Variants in CAST observed in about 807,000 individuals in gnomAD.
The protein encoded by CAST is calpastatin, also known as MIR583 host.
A neutral mutation model predicts 119.6 loss-of-function variants in CAST; 76 were observed. The observed-to-expected ratio is 0.64, with a 90% CI of 0.53 to 0.77. The LOEUF (loss-of-function observed/expected upper bound fraction) is 0.77, where lower values mean the gene tolerates loss of function less well. CAST is among the 30% of genes least tolerant of loss of function. The pLI is 0.00. For missense variants in CAST, 953 were observed against 946.5 expected, an observed-to-expected ratio of 1.01 and a Z score of -0.09; for synonymous variants, 319 against 331.6, an observed-to-expected ratio of 0.96 and a Z score of 0.41.
At chr5:96,455,846 A>G in the CAST span, among the ~76,000 whole-genome samples, 3 of 152,008 alleles carry the variant, frequency 2.0e-5, no homozygotes, top group Middle Eastern at 3.4e-3. Flanking sequence ...TTATGTGTTG[A>G]TTTGTTCTTT....
the CAST span, among the ~76,000 whole-genome samples, chr5:96,150,122 A>G: frequency 5.3e-3 from 812 of 152,312 alleles, 6 homozygotes; most frequent in African/African-American, 0.018. Flanking sequence ...CCTGGAGTTT[A>G]TAGCTTAATG....
the CAST span, among the ~76,000 whole-genome samples, chr5:96,252,981 TG>T: frequency 6.6e-6 from 1 of 152,088 alleles, no homozygotes; most frequent in Non-Finnish European, 1.5e-5. Context: ...TATTAAGAAG[TG>T]TGTATTTCAA....
intron 1 of CAST, among the ~76,000 whole-genome samples, chr5:96,650,129 C>T (rs1352359936): frequency 6.6e-6 from 1 of 152,220 alleles, no homozygotes; most frequent in African/African-American, 2.4e-5. Context: ...ACATACAATG[C>T]TCATCAAATA....
chr5:96,003,139 C>T, the CAST span, among the ~76,000 whole-genome samples: 1 of 152,082 alleles, frequency 6.6e-6, no homozygotes, highest in Admixed American at 6.6e-5. Context: ...ACTTGAGTGG[C>T]TGAGGCCTGG....
At chr5:96,772,010 T>A (rs200937935) in intron 31 of CAST, 1 of 204,844 alleles carries the variant, frequency 4.9e-6, no homozygotes, top group African/African-American at 2.3e-5. Context: ...TGCTCATTAC[T>A]GCAGGTTATT....
chr5:96,316,643 G>A, the CAST span, among the ~76,000 whole-genome samples: 2 of 152,146 alleles, frequency 1.3e-5, no homozygotes, highest in Non-Finnish European at 2.9e-5. Flanking sequence ...AGGTAGAGGG[G>A]AACCGTGAGA....
chr5:96,753,593 C>T (rs909116766), intron 20 of CAST, among the ~76,000 whole-genome samples: 2 of 152,204 alleles, frequency 1.3e-5, no homozygotes, highest in Non-Finnish European at 2.9e-5. Flanking sequence ...AGTAGAAGCC[C>T]TGTGGAGAAA....
the CAST span, among the ~76,000 whole-genome samples, chr5:96,289,123 TACTTTGGGC>T: frequency 6.6e-6 from 1 of 151,830 alleles, no homozygotes; most frequent in African/African-American, 2.4e-5. Flanking sequence ...ACCCTTAGAA[TACTTTGGGC>T]ACAGTGGGTA....
In CAST at chr5:96,765,301, C is replaced by T. The variant is rs1288839618; in HGVS notation, c.2013C>T (p.Asn671=). 10 of 766,616 alleles carry T rather than the reference C, an allele frequency of 1.3e-5. No homozygotes were observed. The highest frequency in any genetic ancestry group is 1.7e-5 in the Non-Finnish European group (9 of 537,632). 47.5% of individuals were successfully genotyped at this position (766,616 alleles called of 1,614,324 possible). A position where few individuals can be genotyped will look rare whatever the true frequency, so the allele number is the denominator to read the frequency against. ...LGQRQPDPDE[N]KPMEDKVKEK... ...AAAGGCAGCCTGACCCAGATGAGAA[C>T]AAACCAATGGAAGATAAAGTAAAGG... Residue 671 remains asparagine (N), a synonymous_variant, in exon 26 of 32, where the codon AAC becomes AAT. Coordinates refer to ENST00000675179, the MANE Select transcript of CAST (RefSeq NM_001750.7).
the CAST span, among the ~76,000 whole-genome samples, chr5:96,214,181 A>G: frequency 6.6e-6 from 1 of 152,186 alleles, no homozygotes; most frequent in Non-Finnish European, 1.5e-5. Flanking sequence ...AAGGAGCAGA[A>G]TGGAGATTGT....
intron 1 of CAST, among the ~76,000 whole-genome samples, chr5:96,566,246 A>G (rs921761949): frequency 6.6e-5 from 10 of 152,176 alleles, no homozygotes; most frequent in African/African-American, 2.4e-4. Flanking sequence ...CTGTGTGCAA[A>G]TTCTGCCTTG....
At chr5:96,707,535 T>C (rs1179511349) in intron 3 of CAST, among the ~76,000 whole-genome samples, 1 of 152,092 alleles carries the variant, frequency 6.6e-6, no homozygotes, top group Non-Finnish European at 1.5e-5. Flanking sequence ...TACAGGCACG[T>C]GCCACCACTT....
chr5:96,376,892 C>T, the CAST span, among the ~76,000 whole-genome samples: 1 of 152,024 alleles, frequency 6.6e-6, no homozygotes, highest in South Asian at 2.1e-4. Context: ...AGTGTCATTC[C>T]CCATAAAGCC....
At chr5:96,640,422 G>A (rs2150203222) in intron 1 of CAST, among the ~76,000 whole-genome samples, 1 of 152,170 alleles carries the variant, frequency 6.6e-6, no homozygotes, top group East Asian at 1.9e-4. Context: ...CCCAGAGCCA[G>A]GCCCTCAGGA....
At chr5:96,168,441 A>G in the CAST span, among the ~76,000 whole-genome samples, 1 of 152,214 alleles carries the variant, frequency 6.6e-6, no homozygotes, top group African/African-American at 2.4e-5. Flanking sequence ...CATAGAAGGC[A>G]TATTTAGAGT....
intron 2 of CAST, among the ~76,000 whole-genome samples, chr5:96,693,138 A>G (rs578250586): frequency 5.3e-5 from 8 of 152,370 alleles, no homozygotes; most frequent in African/African-American, 1.7e-4. Flanking sequence ...ATGATTTTAC[A>G]TATTCCAGTC....
At chr5:96,628,639 C>T (rs1282888191) in intron 1 of CAST, among the ~76,000 whole-genome samples, 3 of 152,180 alleles carry the variant, frequency 2.0e-5, no homozygotes, top group Non-Finnish European at 4.4e-5. Context: ...GCGACATTCA[C>T]CACTTACCAC....
chr5:96,438,026 A>ATTT, the CAST span, among the ~76,000 whole-genome samples: 1 of 152,164 alleles, frequency 6.6e-6, no homozygotes, highest in Non-Finnish European at 1.5e-5. Context: ...CATACTTCGA[A>ATTT]GGCAGATTGT....
chr5:96,642,757 C>T (rs1262288840), intron 1 of CAST, among the ~76,000 whole-genome samples: 1 of 152,032 alleles, frequency 6.6e-6, no homozygotes, highest in Admixed American at 6.6e-5. Context: ...CCATGTTGGC[C>T]AGGCTGGTCT....
Sources: allele counts gnomAD v4.1 joint callset (sites outside exome capture counted in the v4.1 genomes callset), GRCh38; gene constraint gnomAD v4.1.1; transcripts MANE v1.5; gene names NCBI Gene and HGNC (gene_info 2026-07-23, HGNC 2026-07-21).